Variants in AGAP1 observed in about 807,000 individuals in gnomAD.
AGAP1 encodes the protein arf-GAP with GTPase, ANK repeat and PH domain-containing protein 1.
Under a neutral mutation model 105.3 loss-of-function variants are expected in AGAP1, and 29 were observed. The observed-to-expected ratio is 0.28, with a 90% CI of 0.21 to 0.38. The LOEUF (loss-of-function observed/expected upper bound fraction) is 0.38. AGAP1 is among the 10% of genes least tolerant of loss of function. The pLI is 1.00. For missense variants in AGAP1, 998 were observed against 1,165.1 expected (o/e 0.86, Z 2.09); for synonymous variants, 509 against 485.9 (o/e 1.05, Z -0.63).
chr2:235,632,485 G>T (rs760021471), intron 1 of AGAP1, among the ~76,000 whole-genome samples: 2 of 152,180 alleles, frequency 1.3e-5, no homozygotes, highest in African/African-American at 2.4e-5. Flanking sequence ...AGCTTTACAT[G>T]CCTGATGGGC....
chr2:235,899,239 G>A (rs1318881933), intron 10 of AGAP1, among the ~76,000 whole-genome samples: 3 of 152,180 alleles, frequency 2.0e-5, no homozygotes, highest in Non-Finnish European at 2.9e-5. Flanking sequence ...TTGGCCGGGC[G>A]CGGTGGCTCG....
intron 12 of AGAP1, among the ~76,000 whole-genome samples, chr2:235,952,056 A>G (rs941259262): frequency 2.6e-5 from 4 of 152,230 alleles, no homozygotes; most frequent in Admixed American, 2.0e-4. Context: ...TCATCTTCTC[A>G]TTAACACCAC....
intron 1 of AGAP1, among the ~76,000 whole-genome samples, chr2:235,511,781 C>T (rs948939233): frequency 3.9e-5 from 6 of 152,088 alleles, no homozygotes; most frequent in African/African-American, 1.4e-4. Flanking sequence ...TCCTATAGAA[C>T]ATGCTTGTGA....
At position 235,705,223 on chromosome 2, in the gene AGAP1, C is replaced by T. The variant is rs767506293; in HGVS notation, c.164-3956C>T. The stretch of plus-strand genomic sequence containing the variant: ...TGAACTCCTGACCTCAGGTGATCTG[C>T]GCGCCTCGGCCTCCTAAAGTGTTGG... On this transcript the variant is annotated intron_variant, in intron 1 of 17. Transcript: ENST00000304032. This position sits in a 1 kb window ranked among gnomAD's most constrained non-coding sequence, Gnocchi z 4.9. 7.2e-5 allele frequency among the ~76,000 whole-genome samples: 11 copies of T among 152,104 alleles called. No homozygotes were observed. Among genetic ancestry groups the T allele is most frequent in the South Asian group, 2.1e-4 (1 of 4,828 alleles).
chr2:235,576,858 G>A (rs540398071), intron 1 of AGAP1, among the ~76,000 whole-genome samples: 1 of 152,312 alleles, frequency 6.6e-6, no homozygotes, highest in East Asian at 1.9e-4. Flanking sequence ...GGGGCCATCT[G>A]GACCCATCAT....
intron 3 of AGAP1, among the ~76,000 whole-genome samples, chr2:235,718,143 T>G (rs2149550226): frequency 6.6e-6 from 1 of 152,360 alleles, no homozygotes; most frequent in Non-Finnish European, 1.5e-5. Flanking sequence ...AAGATTTTTT[T>G]TTTTGCCATT....
rs1304170341 is a variant in AGAP1 at position 236,120,031 on chromosome 2, G to A, written c.2115-161G>A. Among the ~76,000 whole-genome samples the A allele has an allele frequency of 5.3e-5, 8 of 152,222 alleles. No homozygotes were observed. The East Asian group carries it at 1.5e-3, about 29-fold the overall frequency. On this transcript the variant is annotated intron_variant, in intron 16 of 17. Coordinates refer to ENST00000304032, the MANE Select transcript of AGAP1 (RefSeq NM_001037131.3). The surrounding 1 kb of genome is among the most constrained non-coding windows in gnomAD (Gnocchi z 6.0). ...CTGGTGAGGATACTGTTTTGTGAAG[G>A]TGGATAAACGTTTCCCCCAGGGGGC...
chr2:235,620,790 A>C lies in AGAP1; in HGVS notation c.164-88389A>C, dbSNP rs955233034. 6.6e-6 allele frequency among the ~76,000 whole-genome samples: 1 copy of C among 152,228 alleles called. No homozygotes were observed. The highest frequency in any genetic ancestry group is 1.5e-5 in the Non-Finnish European group (1 of 68,052). ...GGCCCTTTGTCGATGTTCGTTAGGC[A>C]TGCAGGTGAACAAGTGAATGAGTGA... On this transcript the variant is annotated intron_variant, in intron 1 of 17. Coordinates refer to ENST00000304032, the MANE Select transcript of AGAP1 (RefSeq NM_001037131.3). This position sits in a 1 kb window ranked among gnomAD's most constrained non-coding sequence, Gnocchi z 4.5.
intron 4 of AGAP1, among the ~76,000 whole-genome samples, chr2:235,743,269 A>G (rs1481283449): frequency 1.5e-4 from 23 of 152,342 alleles, no homozygotes; most frequent in African/African-American, 5.3e-4. Context: ...TGGGGAAGTC[A>G]GAATGCACCC....
rs114544628 is a variant in AGAP1 at position 235,852,290 on chromosome 2, C to T, written c.1051-31055C>T. The stretch of plus-strand genomic sequence containing the variant: ...AGACAAGCGAGGCAGCGGAGAAGGG[C>T]CCGGGCGTGCATAATGCCTATTGTC... On this transcript the variant is annotated intron_variant, in intron 9 of 17. Transcript: ENST00000304032. 5.3e-3 allele frequency among the ~76,000 whole-genome samples: 813 copies of T among 152,340 alleles called. 7 individuals are homozygous for T. The highest frequency in any genetic ancestry group is 0.018 in the African/African-American group (764 of 41,582).
intron 8 of AGAP1, among the ~76,000 whole-genome samples, chr2:235,806,248 G>A (rs1332852972): frequency 6.6e-6 from 1 of 152,150 alleles, no homozygotes; most frequent in Non-Finnish European, 1.5e-5. Flanking sequence ...AAAAGCACGT[G>A]AAAATGTTTC....
rs776237983 is a variant in AGAP1, at chr2:236,120,160, C to T, written c.2115-32C>T. ...GGCAGCCTGTGTTCTCGGGCCTGAT[C>T]GTGACTGCACCTGTCTGGTGGCTCT... On this transcript the variant is annotated intron_variant, in intron 16 of 17. Transcript: ENST00000304032. This position sits in a 1 kb window ranked among gnomAD's most constrained non-coding sequence, Gnocchi z 6.0. The T allele has an allele frequency of 9.4e-6, 15 of 1,587,618 alleles. No homozygotes were observed. The highest frequency in any genetic ancestry group is 3.5e-5 in the South Asian group (3 of 86,212).
intron 1 of AGAP1, among the ~76,000 whole-genome samples, chr2:235,629,244 C>G (rs1290345269): frequency 6.7e-6 from 1 of 148,936 alleles, no homozygotes. Flanking sequence ...TAATTCATTC[C>G]TTCTTAAGGC....
At chr2:235,834,239 T>C (rs1339032465) in intron 9 of AGAP1, among the ~76,000 whole-genome samples, 3 of 152,112 alleles carry the variant, frequency 2.0e-5, no homozygotes, top group Non-Finnish European at 4.4e-5. Flanking sequence ...TACACAGAGG[T>C]GTGCTGGCCA....
At chr2:236,094,820 C>G (rs903425091) in intron 16 of AGAP1, among the ~76,000 whole-genome samples, 2 of 148,292 alleles carry the variant, frequency 1.3e-5, no homozygotes, top group East Asian at 4.0e-4. Flanking sequence ...AACAGTGGCT[C>G]ATGCCTGTAA....
Position 235,983,027 on chromosome 2 carries a change from G to C in AGAP1, c.1645+14404G>C, listed in dbSNP as rs1469603595. Reference sequence around the variant, plus strand: ...ACTCCTCCACACTGTTCAGATGAGCGATGTGTGAGCATGAGGAGACATTCC... The same window carrying C: ...ACTCCTCCACACTGTTCAGATGAGCCATGTGTGAGCATGAGGAGACATTCC... On this transcript the variant is annotated intron_variant, in intron 13 of 17. Transcript: ENST00000304032. This position sits in a 1 kb window ranked among gnomAD's most constrained non-coding sequence, Gnocchi z 4.5. 6.6e-6 allele frequency among the ~76,000 whole-genome samples: 1 copy of C among 152,180 alleles called. No individual in the cohort carries two copies. The highest frequency in any genetic ancestry group is 1.9e-4 in the East Asian group (1 of 5,192).
chr2:235,863,991 G>A (rs1333856500), intron 9 of AGAP1, among the ~76,000 whole-genome samples: 2 of 152,160 alleles, frequency 1.3e-5, no homozygotes, highest in Admixed American at 6.5e-5. Context: ...TCTTTTATGC[G>A]GAGGACTTGT....
At position 235,602,870 on chromosome 2, in the gene AGAP1, T is replaced by C. The variant is rs112886994; in HGVS notation, c.164-106309T>C. Among the ~76,000 whole-genome samples the C allele has an allele frequency of 5.3e-3, 811 of 152,140 alleles. 8 individuals carry two copies. The highest frequency in any genetic ancestry group is 0.019 in the African/African-American group (778 of 41,500). ...GCACTTGCCACCACGCCTGGCTAAT[T>C]TTTGTATTTTTAGTAGAGAAGGGGT... On this transcript the variant is annotated intron_variant, in intron 1 of 17. Transcript: ENST00000304032.
intron 1 of AGAP1, among the ~76,000 whole-genome samples, chr2:235,619,340 TG>T (rs1261680379): frequency 2.7e-5 from 4 of 150,016 alleles, no homozygotes; most frequent in African/African-American, 4.9e-5. Flanking sequence ...GATTCAAACC[TG>T]GGGCTGAAGT....
Sources: gnomAD v4.1 joint callset for allele counts (sites outside exome capture counted in the v4.1 genomes callset) on GRCh38, gnomAD v4.1.1 for gene constraint, Gnocchi (gnomAD v3.1) non-coding constraint, MANE v1.5 for transcripts, NCBI Gene and HGNC (gene_info 2026-07-23, HGNC 2026-07-21) for gene names.